CFAP206: variants seen among roughly 807,000 people sequenced by gnomAD.
The protein encoded by CFAP206 is cilia- and flagella-associated protein 206.
A neutral mutation model predicts 65.4 loss-of-function variants in CFAP206; 53 were observed. That is an observed-to-expected ratio of 0.81 (90% CI 0.65 to 1.02). The LOEUF (loss-of-function observed/expected upper bound fraction) is 1.02. Ranked by LOEUF, CFAP206 falls within the 50% of genes least tolerant of loss-of-function variation. CFAP206 has a pLI of 0.00. For missense variants in CFAP206, 663 were observed against 753.2 expected, an observed-to-expected ratio of 0.88 and a Z score of 1.40; for synonymous variants, 250 against 254.4, an observed-to-expected ratio of 0.98 and a Z score of 0.17.
At chr6:87,450,570 G>A (rs1408966873) in intron 11 of CFAP206, among the ~76,000 whole-genome samples, 1 of 55,816 alleles carries the variant, frequency 1.8e-5, no homozygotes. Flanking sequence ...GCTACTTATG[G>A]CAAAAAAAAA....
In CFAP206 at chr6:87,415,736, G is replaced by T. The variant is rs1767816733; in HGVS notation, c.334G>T (p.Val112Phe). Residue 112 changes from valine to phenylalanine, a missense_variant, in exon 5 of 13, where the codon GTT becomes TTT. Physicochemically the swap from Val to Phe is conservative, Grantham distance 50 (BLOSUM62 -1). Transcript: ENST00000369562. ...GGTCCTAGAGTCTAGATTAGGCTCT[G>T]TTACCCGAGAAATTACAGATAACAG... ...HRVLESRLGS[V>F]TREITDNRAC... 1 of 1,612,246 alleles carries T rather than the reference G, an allele frequency of 6.2e-7. No homozygotes were observed. The highest frequency in any genetic ancestry group is 1.3e-5 in the African/African-American group (1 of 74,828).
In CFAP206 at chr6:87,446,261, T is replaced by C. The variant is rs878988891; in HGVS notation, c.1494+11208T>C. ...GTTGCTGTTGCTTTTGACATTTTTGTCATGAAATATTTGCCCATGTGTATA... is the reference window on the plus strand; with the variant it reads ...GTTGCTGTTGCTTTTGACATTTTTGCCATGAAATATTTGCCCATGTGTATA... On this transcript the variant is annotated intron_variant, in intron 11 of 12. Transcript: ENST00000369562. 4.6e-5 allele frequency among the ~76,000 whole-genome samples: 7 copies of C among 152,260 alleles called. 1 individual carries two copies. The highest frequency in any genetic ancestry group is 3.3e-4 in the Admixed American group (5 of 15,282).
chr6:87,460,797 AC>A (rs1422398783), intron 11 of CFAP206, among the ~76,000 whole-genome samples: 1 of 152,136 alleles, frequency 6.6e-6, no homozygotes, highest in Non-Finnish European at 1.5e-5. Flanking sequence ...TTAAAAAAAA[AC>A]ACCCCCTACA....
rs1365802381 is a variant in CFAP206, at chr6:87,426,636, A to G, written c.951A>G (p.Ser317=). The change falls in exon 8 of 13, where the codon TCA becomes TCG. Residue 317 remains serine, a synonymous_variant. Coordinates refer to ENST00000369562, the MANE Select transcript of CFAP206 (RefSeq NM_001031743.3). ...AATCAAAGATAGCGGTCCCAACATC[A>G]CAAGTCTTTGTAAGTATTTGTCATA... The part of the protein sequence containing the change: ...TIKSKIAVPT[S]QVFPIFIALS... 1 of 1,582,506 alleles carries G rather than the reference A, an allele frequency of 6.3e-7. No homozygotes were observed. The highest frequency in any genetic ancestry group is 8.6e-7 in the Non-Finnish European group (1 of 1,165,168).
At chr6:87,452,618 CAGATAAATTTAACAA>C (rs1252835893) in intron 11 of CFAP206, among the ~76,000 whole-genome samples, 1 of 152,014 alleles carries the variant, frequency 6.6e-6, no homozygotes, top group Admixed American at 6.6e-5. Flanking sequence ...AGAATCCCAT[CAGATAAATTTAACAA>C]AGAGATTGAA....
chr6:87,450,612 C>G (rs990218952), intron 11 of CFAP206, among the ~76,000 whole-genome samples: 11 of 149,598 alleles, frequency 7.4e-5, no homozygotes, highest in African/African-American at 2.7e-4. Context: ...CAAATTACCA[C>G]CAGATTGAGA....
At chr6:87,462,485 C>T (rs1319673899) in intron 12 of CFAP206, among the ~76,000 whole-genome samples, 1 of 152,192 alleles carries the variant, frequency 6.6e-6, no homozygotes. Context: ...TATCCCACTA[C>T]TTTGTTCTAG....
At chr6:87,430,739 A>C (rs1768142119) in intron 9 of CFAP206, among the ~76,000 whole-genome samples, 1 of 152,218 alleles carries the variant, frequency 6.6e-6, no homozygotes, top group African/African-American at 2.4e-5. Context: ...TCTCAGCAGC[A>C]GAGCATGCTT....
intron 11 of CFAP206, among the ~76,000 whole-genome samples, chr6:87,454,935 A>T (rs1250413489): frequency 3.3e-5 from 5 of 149,386 alleles, no homozygotes; most frequent in East Asian, 1.9e-4. Context: ...ATTTTTTATT[A>T]TTTTTTTTAT....
At chr6:87,454,934 TA>T (rs574087409) in intron 11 of CFAP206, among the ~76,000 whole-genome samples, 293 of 151,842 alleles carry the variant, frequency 1.9e-3, no homozygotes, top group Non-Finnish European at 3.3e-3. Context: ...TATTTTTTAT[TA>T]TTTTTTTTAT....
At chr6:87,410,519 A>G in intron 2 of CFAP206, 66 bp from the exon 3 acceptor site, 1 of 1,154,908 alleles carries the variant, frequency 8.7e-7, no homozygotes, top group South Asian at 1.3e-5. Flanking sequence ...TTAAGCTAAT[A>G]ATATGAAATA....
intron 11 of CFAP206, 102 bp downstream of exon 11, chr6:87,435,155 A>G: frequency 2.5e-6 from 2 of 790,808 alleles, no homozygotes; most frequent in East Asian, 2.7e-5. Flanking sequence ...ACACAGAGAG[A>G]GTCAGATGAG....
intron 11 of CFAP206, among the ~76,000 whole-genome samples, chr6:87,454,982 G>T (rs1338136788): frequency 2.0e-5 from 3 of 151,052 alleles, no homozygotes; most frequent in Admixed American, 1.3e-4. Flanking sequence ...GACTTTAGTG[G>T]CATGATCTCT....
intron 11 of CFAP206, chr6:87,445,145 C>T: frequency 3.1e-6 from 1 of 318,838 alleles, no homozygotes; most frequent in Admixed American, 4.2e-5. Context: ...AATCCATCAT[C>T]TGTTATAGCT....
chr6:87,416,895 A>G, intron 6 of CFAP206, 68 bp downstream of exon 6: 2 of 1,342,794 alleles, frequency 1.5e-6, no homozygotes, highest in Non-Finnish European at 2.1e-6. Flanking sequence ...CAGTGAGGAA[A>G]ATAATAAACA....
intron 7 of CFAP206, among the ~76,000 whole-genome samples, chr6:87,422,033 T>G (rs565186670): frequency 6.6e-6 from 1 of 152,024 alleles, no homozygotes; most frequent in Non-Finnish European, 1.5e-5. Context: ...GTTTAAAAGG[T>G]AGGGGGAAGG....
At chr6:87,435,855 G>C (rs1041170135) in intron 11 of CFAP206, 5 of 151,842 alleles carry the variant, frequency 3.3e-5, no homozygotes, top group African/African-American at 1.2e-4. Flanking sequence ...TTGTAGAGAT[G>C]GGGTCTCGCC....
At position 87,455,611 on chromosome 6, in the gene CFAP206, G is replaced by A. The variant is rs537550323; in HGVS notation, c.1495-5411G>A. Among the ~76,000 whole-genome samples, 124 of 152,110 alleles carry A rather than the reference G, an allele frequency of 8.2e-4. 1 individual carries two copies. In the South Asian group the frequency reaches 0.017, roughly 21 times the overall value. ...AAAATAGACAAATTGTTAGTCAATA[G>A]TTACACTTTAGCCAGGCTAGGAAAA... On this transcript the variant is annotated intron_variant, in intron 11 of 12. Coordinates refer to ENST00000369562, the MANE Select transcript of CFAP206 (RefSeq NM_001031743.3).
At chr6:87,411,785 T>G (rs904644655) in intron 3 of CFAP206, among the ~76,000 whole-genome samples, 17 of 152,248 alleles carry the variant, frequency 1.1e-4, no homozygotes, top group African/African-American at 4.1e-4. Flanking sequence ...TTCTCCAGTG[T>G]ATGTTTCTGT....
Sources: gnomAD v4.1 joint callset for allele counts (sites outside exome capture counted in the v4.1 genomes callset) on GRCh38, gnomAD v4.1.1 for gene constraint, MANE v1.5 for transcripts, NCBI Gene and HGNC (gene_info 2026-07-23, HGNC 2026-07-21) for gene names.